Variants in NEK1 observed in about 807,000 individuals in gnomAD.
NEK1 encodes the protein NIMA related kinase 1, also known as serine/threonine-protein kinase Nek1.
NEK1 carries 137 observed loss-of-function variants against 182.1 expected under a neutral mutation model. That is an observed-to-expected ratio of 0.75 (90% CI 0.65 to 0.87). The LOEUF (loss-of-function observed/expected upper bound fraction) is 0.87. Among genes scored for constraint, NEK1 ranks in the 40% least tolerant of loss-of-function variants. NEK1 has a pLI of 0.00. For synonymous variants in NEK1, 513 were observed against 492.2 expected, an observed-to-expected ratio of 1.04 and a Z score of -0.56; for missense variants, 1,391 against 1,494.4, an observed-to-expected ratio of 0.93 and a Z score of 1.14.
At chr4:169,415,887 T>G (rs1011372667) in intron 31 of NEK1, among the ~76,000 whole-genome samples, 11 of 152,272 alleles carry the variant, frequency 7.2e-5, no homozygotes, top group African/African-American at 2.2e-4. Context: ...CCAGAGCATA[T>G]TCCCAGAATT....
At chr4:169,457,814 TA>T (rs1331998211) in intron 27 of NEK1, among the ~76,000 whole-genome samples, 1 of 147,358 alleles carries the variant, frequency 6.8e-6, no homozygotes, top group Admixed American at 6.8e-5. Flanking sequence ...ATTGAGAGGA[TA>T]AAAAAAGACT....
In NEK1 at chr4:169,602,692, T is replaced by C; in HGVS notation, c.-48-14A>G. The C allele has an allele frequency of 1.2e-6, 1 of 860,328 alleles. No individual in the cohort carries two copies. The highest frequency in any genetic ancestry group is 2.3e-4 in the Middle Eastern group (1 of 4,396). 53.3% of individuals were successfully genotyped at this position (860,328 alleles called of 1,614,324 possible). A position where few individuals can be genotyped will look rare whatever the true frequency, so the allele number is the denominator to read the frequency against. On this transcript the variant is annotated splice_polypyrimidine_tract_variant and intron_variant, in intron 2 of 35. Transcript: ENST00000507142. ...ACATTTAAAAAACTAACAAAAAAGA[T>C]AAAGCATTTATAACATGAGATAAAA...
At chr4:169,486,829 A>T (rs1178423978) in intron 23 of NEK1, among the ~76,000 whole-genome samples, 1 of 152,264 alleles carries the variant, frequency 6.6e-6, no homozygotes, top group Non-Finnish European at 1.5e-5. Context: ...AAGAATTTAC[A>T]TTCAAAATAT....
rs1016052077 is a variant in NEK1, at chr4:169,537,927, C to G, written c.1563-16G>C. 1.9e-6 allele frequency: 3 copies of G among 1,546,924 alleles called. No homozygotes were observed. The African/African-American group carries it at 4.1e-5, about 21-fold the overall frequency. On this transcript the variant is annotated splice_polypyrimidine_tract_variant and intron_variant, in intron 18 of 35. Coordinates refer to ENST00000507142, the MANE Select transcript of NEK1 (RefSeq NM_001199397.3). ...CCCTTTTTGCCTAATTTGGACAAAT[C>G]ACAAAGTCAGCCATCCTGAACAGAA...
intron 26 of NEK1, among the ~76,000 whole-genome samples, chr4:169,470,358 A>G (rs1363845536): frequency 6.6e-6 from 1 of 152,056 alleles, no homozygotes; most frequent in Non-Finnish European, 1.5e-5. Flanking sequence ...GCTTGTCTGT[A>G]AAGGATTTTT....
intron 27 of NEK1, among the ~76,000 whole-genome samples, chr4:169,453,531 G>A (rs543840299): frequency 1.9e-4 from 29 of 152,344 alleles, no homozygotes; most frequent in African/African-American, 6.5e-4. Context: ...CGCCCATGCT[G>A]GAAGGTTGTG....
At chr4:169,561,152 A>C (rs991072493) in intron 16 of NEK1, among the ~76,000 whole-genome samples, 1 of 152,214 alleles carries the variant, frequency 6.6e-6, no homozygotes, top group Non-Finnish European at 1.5e-5. Context: ...TTAATCTTCA[A>C]GGCTACATGA....
chr4:169,575,572 T>C (rs1275211723), intron 12 of NEK1, among the ~76,000 whole-genome samples: 1 of 152,180 alleles, frequency 6.6e-6, no homozygotes, highest in East Asian at 1.9e-4. Flanking sequence ...TCAGCCAGCA[T>C]CCCAGCTAGA....
chr4:169,406,760 T>A lies in NEK1; in HGVS notation c.3223-13A>T. On this transcript the variant is annotated splice_polypyrimidine_tract_variant and intron_variant, in intron 31 of 35. Transcript: ENST00000507142. ...ATGTCCTTAACATCTAAAATAAAAATCAACAAATTTCTTATTAGGAGAAAG... is the reference window on the plus strand; with the variant it reads ...ATGTCCTTAACATCTAAAATAAAAAACAACAAATTTCTTATTAGGAGAAAG... 1 of 1,559,438 alleles carries A rather than the reference T, an allele frequency of 6.4e-7. No homozygotes were observed. The highest frequency in any genetic ancestry group is 8.6e-7 in the Non-Finnish European group (1 of 1,157,392).
chr4:169,530,757 G>T (rs1004304613), intron 19 of NEK1, among the ~76,000 whole-genome samples: 1 of 151,376 alleles, frequency 6.6e-6, no homozygotes, highest in Middle Eastern at 3.4e-3. Flanking sequence ...AAGGGTTGGC[G>T]GGGGGTGATG....
At position 169,400,229 on chromosome 4, in the gene NEK1, T is replaced by C. The variant is rs55939366; in HGVS notation, c.3843A>G (p.Gln1281=). 22 of 1,579,032 alleles carry C rather than the reference T, an allele frequency of 1.4e-5. No homozygotes were observed. In the East Asian group the frequency reaches 4.5e-4, roughly 33 times the overall value. Residue 1281 remains glutamine (Q), a synonymous_variant, in exon 35 of 36, where the codon CAA becomes CAG. Coordinates refer to ENST00000507142, the MANE Select transcript of NEK1 (RefSeq NM_001199397.3). ...LHLVMADGAY[Q]EDNDE ...AGACATGTGAGGAAATCTTACCTTCTTGGTAGGCTCCATCTGCCATGACTA... is the reference window on the plus strand; with the variant it reads ...AGACATGTGAGGAAATCTTACCTTCCTGGTAGGCTCCATCTGCCATGACTA...
At chr4:169,562,259 A>G in intron 12 of NEK1, 63 bp from the exon 13 acceptor site, 1 of 1,093,782 alleles carries the variant, frequency 9.1e-7, no homozygotes, top group Non-Finnish European at 1.3e-6. Flanking sequence ...GAAAATCCCA[A>G]ATTTACAGAA....
intron 35 of NEK1, among the ~76,000 whole-genome samples, chr4:169,399,263 TA>T (rs1281457829): frequency 6.6e-6 from 1 of 151,220 alleles, no homozygotes; most frequent in Non-Finnish European, 1.5e-5. Context: ...AAAAAACGTT[TA>T]ATACCACATC....
intron 27 of NEK1, among the ~76,000 whole-genome samples, chr4:169,453,425 G>T (rs941917763): frequency 6.6e-6 from 1 of 152,080 alleles, no homozygotes; most frequent in African/African-American, 2.4e-5. Flanking sequence ...CTACAATGTT[G>T]GGTACAAGCC....
rs60346576 is a variant in NEK1, at chr4:169,555,548, T to TCA, written c.1562+170_1562+171dup. On this transcript the variant is annotated intron_variant, in intron 18 of 35. Coordinates refer to ENST00000507142, the MANE Select transcript of NEK1 (RefSeq NM_001199397.3). ...GGCTGAACTGGAAAGCTACATGCTT[T>TCA]CAGAGTAATCAAGGGCCAAATTTGC... 683,884 of 686,746 alleles carry TCA rather than the reference T, an allele frequency of 1. 340,566 individuals carry two copies. The highest frequency in any genetic ancestry group is 1 in the East Asian group (35,582 of 35,582). 42.5% of individuals were successfully genotyped at this position (686,746 alleles called of 1,614,324 possible).
intron 12 of NEK1, among the ~76,000 whole-genome samples, chr4:169,568,830 G>A (rs942019523): frequency 2.0e-5 from 3 of 151,614 alleles, no homozygotes; most frequent in Non-Finnish European, 2.9e-5. Context: ...CCAGCTACTC[G>A]GGAGGCTGAG....
In NEK1 at chr4:169,602,112, G is replaced by C; in HGVS notation, c.118-8C>G. ...TCTTTCTTTACTGGACATCTTAAAT[G>C]GGAGGAAAAAGAAAATAGTAAATGA... is the stretch of plus-strand genomic sequence containing the variant. On this transcript the variant is annotated splice_region_variant and splice_polypyrimidine_tract_variant and intron_variant, in intron 3 of 35. Coordinates refer to ENST00000507142, the MANE Select transcript of NEK1 (RefSeq NM_001199397.3). The C allele has an allele frequency of 6.3e-7, 1 of 1,594,008 alleles. No individual in the cohort carries two copies.
At position 169,612,544 on chromosome 4, in the gene NEK1, G is replaced by T. The variant is rs1384520146; in HGVS notation, c.-495C>A. On this transcript the variant is annotated 5_prime_UTR_variant, in exon 1 of 36. Coordinates refer to ENST00000507142, the MANE Select transcript of NEK1 (RefSeq NM_001199397.3). ...GCTCGAGAGGCCAGGGTAGGGTAAGGACTCCGCAACCTAGGGTCCCAAAAC... is the reference window on the plus strand; with the variant it reads ...GCTCGAGAGGCCAGGGTAGGGTAAGTACTCCGCAACCTAGGGTCCCAAAAC... 6.6e-6 allele frequency: 1 copy of T among 152,170 alleles called. No individual in the cohort carries two copies. Among genetic ancestry groups the T allele is most frequent in the Non-Finnish European group, 1.5e-5 (1 of 68,110 alleles). 9.4% of individuals were successfully genotyped at this position (152,170 alleles called of 1,614,324 possible). A position where few individuals can be genotyped will look rare whatever the true frequency, so the allele number is the denominator to read the frequency against.
intron 28 of NEK1, among the ~76,000 whole-genome samples, chr4:169,434,068 CTAAAA>C (rs976313933): frequency 2.0e-5 from 3 of 151,814 alleles, no homozygotes; most frequent in African/African-American, 7.3e-5. Context: ...TGATTAGTGA[CTAAAA>C]TAAAATTTCA....
Sources: gnomAD v4.1 joint callset for allele counts (sites outside exome capture counted in the v4.1 genomes callset) on GRCh38, gnomAD v4.1.1 for gene constraint, MANE v1.5 for transcripts, NCBI Gene and HGNC (gene_info 2026-07-23, HGNC 2026-07-21) for gene names.